The following FBRSL1 variants were observed in gnomAD, a reference collection of about 807,000 sequenced individuals.
FBRSL1 encodes the protein fibrosin-1-like protein.
In FBRSL1, 51 loss-of-function variants were observed where a neutral mutation model predicts 89.6. The ratio of observed to expected loss-of-function variants is 0.57; its 90% CI spans 0.45 to 0.72. The LOEUF is 0.72. Among genes scored for constraint, FBRSL1 ranks in the 30% least tolerant of loss-of-function variants. The pLI, the probability that FBRSL1 is intolerant of heterozygous loss-of-function variation, is 0.00. For synonymous variants in FBRSL1, 779 were observed against 681.1 expected (o/e 1.14, Z -2.24); for missense variants, 1,618 against 1,451.8 (o/e 1.11, Z -1.86).
At chr12:132,539,364 G>T (rs2037031483) in intron 4 of FBRSL1, among the ~76,000 whole-genome samples, 1 of 147,406 alleles carries the variant, frequency 6.8e-6, no homozygotes, top group African/African-American at 2.5e-5. Flanking sequence ...ACCCAGTCCT[G>T]CCCTCCAGCC....
Position 132,566,951 on chromosome 12 carries a change from G to A in FBRSL1, c.646-530G>A, listed in dbSNP as rs115601087. Among the ~76,000 whole-genome samples the A allele has an allele frequency of 9.7e-3, 1,475 of 152,366 alleles. 23 individuals are homozygous for A. The highest frequency in any genetic ancestry group is 0.034 in the African/African-American group (1,410 of 41,586). On this transcript the variant is annotated intron_variant, in intron 5 of 18. Coordinates refer to ENST00000680143, the MANE Select transcript of FBRSL1 (RefSeq NM_001367871.1). ...AGCCGGCCCGGGAGCATAGCGAGGT[G>A]CCCTGCAGCCTTGCGGACCCACATG... is the stretch of plus-strand genomic sequence containing the variant.
chr12:132,495,962 G>C (rs556248011), intron 1 of FBRSL1, among the ~76,000 whole-genome samples: 7 of 152,238 alleles, frequency 4.6e-5, no homozygotes, highest in Admixed American at 2.0e-4. Context: ...CCTCGGGGTC[G>C]GGGCTGTTAC....
At chr12:132,533,157 G>A (rs2036434245) in intron 4 of FBRSL1, among the ~76,000 whole-genome samples, 1 of 149,858 alleles carries the variant, frequency 6.7e-6, no homozygotes, top group Non-Finnish European at 1.5e-5. Flanking sequence ...CCTGGAGTCA[G>A]AGAGCTGCAG....
At chr12:132,562,302 A>G (rs911757265) in intron 5 of FBRSL1, among the ~76,000 whole-genome samples, 1 of 151,784 alleles carries the variant, frequency 6.6e-6, no homozygotes, top group African/African-American at 2.4e-5. Context: ...TTTCTTTGTA[A>G]CAAGCCAGGA....
Position 132,585,076 on chromosome 12 carries a change from G to A in FBRSL1, c.*1298G>A, listed in dbSNP as rs2041038929. On this transcript the variant is annotated 3_prime_UTR_variant, in exon 19 of 19. Coordinates refer to ENST00000680143, the MANE Select transcript of FBRSL1 (RefSeq NM_001367871.1). ...TTCGGGGTCAGCCGTCGAGCCACTT[G>A]CTTTGCTCAGTTCTGTGTTTCAGCC... 1 of 152,130 alleles carries A rather than the reference G, an allele frequency of 6.6e-6. No individual in the cohort carries two copies. The highest frequency in any genetic ancestry group is 1.5e-5 in the Non-Finnish European group (1 of 68,044). 9.4% of individuals were successfully genotyped at this position (152,130 alleles called of 1,614,324 possible). A position where few individuals can be genotyped will look rare whatever the true frequency, so the allele number is the denominator to read the frequency against.
At position 132,490,537 on chromosome 12, in the gene FBRSL1, A is replaced by G; in HGVS notation, c.-34A>G. 1 of 979,628 alleles carries G rather than the reference A, an allele frequency of 1.0e-6. No individual in the cohort carries two copies. Among genetic ancestry groups the G allele is most frequent in the South Asian group, 4.6e-5 (1 of 21,778 alleles). 60.7% of individuals were successfully genotyped at this position (979,628 alleles called of 1,614,324 possible). A position where few individuals can be genotyped will look rare whatever the true frequency, so the allele number is the denominator to read the frequency against. Reference sequence around the variant, plus strand: ...TGCTGCGAGCCAGGCGCGGGGCGTCAAGGTCACCGGCCCGACGGGGCGCAC... The same window carrying G: ...TGCTGCGAGCCAGGCGCGGGGCGTCGAGGTCACCGGCCCGACGGGGCGCAC... On this transcript the variant is annotated 5_prime_UTR_variant, in exon 1 of 19. Coordinates refer to ENST00000680143, the MANE Select transcript of FBRSL1 (RefSeq NM_001367871.1).
chr12:132,497,632 C>T (rs2136373503), intron 1 of FBRSL1, among the ~76,000 whole-genome samples: 1 of 152,286 alleles, frequency 6.6e-6, no homozygotes, highest in East Asian at 1.9e-4. Context: ...AGGCCTCCTG[C>T]CCCTGTCCAG....
chr12:132,569,903 A>G (rs1431897503), intron 6 of FBRSL1, 23 bp from the exon 7 acceptor site: 2 of 1,371,904 alleles, frequency 1.5e-6, no homozygotes, highest in South Asian at 1.7e-5. Context: ...GCTGGTCTGA[A>G]CGCAGCCACC....
chr12:132,571,573 G>T, intron 9 of FBRSL1: 1 of 1,244,266 alleles, frequency 8.0e-7, no homozygotes, highest in Non-Finnish European at 1.0e-6. Flanking sequence ...CGTGGGGCGG[G>T]GACACGCAGC....
At chr12:132,515,764 G>A (rs958908248) in intron 2 of FBRSL1, among the ~76,000 whole-genome samples, 2 of 151,940 alleles carry the variant, frequency 1.3e-5, no homozygotes, top group South Asian at 2.1e-4. Context: ...GCCAGGCACG[G>A]TGGCGCACAC....
chr12:132,500,080 C>T (rs560854925), intron 1 of FBRSL1, among the ~76,000 whole-genome samples: 1 of 152,280 alleles, frequency 6.6e-6, no homozygotes, highest in South Asian at 2.1e-4. Context: ...GGCCGGAATC[C>T]GTGGTGTCTG....
At chr12:132,581,073 A>AG (rs2040712533) in intron 15 of FBRSL1, 1 of 985,368 alleles carries the variant, frequency 1.0e-6, no homozygotes, top group Non-Finnish European at 1.2e-6. Flanking sequence ...ATCAGCTCCC[A>AG]GGTGAAAGCT....
At chr12:132,568,269 C>T (rs1345431840) in intron 6 of FBRSL1, among the ~76,000 whole-genome samples, 1 of 152,258 alleles carries the variant, frequency 6.6e-6, no homozygotes, top group African/African-American at 2.4e-5. Flanking sequence ...TGGAACCACC[C>T]TTTTGCTGGG....
intron 5 of FBRSL1, among the ~76,000 whole-genome samples, chr12:132,557,220 T>C (rs79710320): frequency 0.025 from 3,834 of 152,184 alleles, 163 homozygotes; most frequent in African/African-American, 0.087. Context: ...AACCGTAAGC[T>C]CTGGATAAAT....
intron 2 of FBRSL1, chr12:132,510,762 C>G: frequency 8.5e-7 from 1 of 1,177,476 alleles, no homozygotes; most frequent in Non-Finnish European, 1.0e-6. Flanking sequence ...ACCCGCGTTG[C>G]TGCCTGTGGT....
chr12:132,529,369 C>T (rs2036065200), intron 4 of FBRSL1, among the ~76,000 whole-genome samples: 1 of 152,206 alleles, frequency 6.6e-6, no homozygotes, highest in Admixed American at 6.5e-5. Context: ...GGCCACAGGC[C>T]AGGAGTGGAC....
intron 4 of FBRSL1, among the ~76,000 whole-genome samples, chr12:132,547,621 C>A (rs1212316756): frequency 6.6e-6 from 1 of 152,194 alleles, no homozygotes; most frequent in East Asian, 1.9e-4. Context: ...CCGGAGGCTG[C>A]CCTCCTTCCT....
At chr12:132,580,436 CTG>C (rs10668544) in intron 15 of FBRSL1, among the ~76,000 whole-genome samples, 1 of 152,040 alleles carries the variant, frequency 6.6e-6, no homozygotes, top group Non-Finnish European at 1.5e-5. Context: ...GCTGCCTTCT[CTG>C]TGTGTTTCCC....
rs1183093499 is a variant in FBRSL1 at position 132,574,217 on chromosome 12, T to C, written c.1599+59T>C. 3.5e-6 allele frequency: 5 copies of C among 1,437,614 alleles called. No homozygotes were observed. The East Asian group carries it at 1.3e-4, about 36-fold the overall frequency. The allele number at this position is 1,437,614 out of a possible 1,614,324, so 89.1% of individuals were successfully genotyped here. ...GGGATGGCCTGCCCCGGCCGGGCCC[T>C]GTGCGGGCTGGTGGCCACAGCAGAC... On this transcript the variant is annotated intron_variant, in intron 12 of 18. Transcript: ENST00000680143.
Sources: gnomAD v4.1 joint callset for allele counts (sites outside exome capture counted in the v4.1 genomes callset) on GRCh38, gnomAD v4.1.1 for gene constraint, MANE v1.5 for transcripts, NCBI Gene and HGNC (gene_info 2026-07-23, HGNC 2026-07-21) for gene names.